The following DNASE1 variants were observed in gnomAD, a reference collection of about 807,000 sequenced individuals.
The protein encoded by DNASE1 is deoxyribonuclease 1.
DNASE1 carries 40 observed loss-of-function variants against 33.9 expected under a neutral mutation model. That is an observed-to-expected ratio of 1.18 (90% CI 0.92 to 1.54). DNASE1 has a LOEUF of 1.54. Among genes scored for constraint, DNASE1 ranks in the 40% most tolerant of loss-of-function variants. The pLI is 0.00. For synonymous variants in DNASE1, 216 were observed against 160.0 expected, an observed-to-expected ratio of 1.35 and a Z score of -2.64; for missense variants, 518 against 372.6, an observed-to-expected ratio of 1.39 and a Z score of -3.21.
chr16:3,643,793 G>A (rs537511338), intron 1 of DNASE1, among the ~76,000 whole-genome samples: 19 of 151,856 alleles, frequency 1.3e-4, no homozygotes, highest in African/African-American at 4.1e-4. Flanking sequence ...ATGGAGTCTC[G>A]CTCTGTGGCC....
exon 10 of DNASE1, chr16:3,665,105 C>G (rs374123976): frequency 6.6e-6 from 1 of 152,366 alleles, no homozygotes; most frequent in Non-Finnish European, 1.5e-5. Context: ...TAAGACATGT[C>G]ACACGTGCAC....
intron 1 of DNASE1, among the ~76,000 whole-genome samples, chr16:3,629,383 G>A (rs2041627928): frequency 6.6e-6 from 1 of 152,100 alleles, no homozygotes; most frequent in Non-Finnish European, 1.5e-5. Context: ...AATGTGGTAT[G>A]TTACATTGAA....
chr16:3,647,373 A>T (rs1247579203), intron 1 of DNASE1, among the ~76,000 whole-genome samples: 1 of 150,522 alleles, frequency 6.6e-6, no homozygotes, highest in Admixed American at 6.7e-5. Context: ...TTCCAGGCTC[A>T]CACAATCCTC....
downstream of DNASE1, chr16:3,662,184 G>A (rs764566003): frequency 1.5e-5 from 23 of 1,575,758 alleles, no homozygotes; most frequent in Middle Eastern, 2.0e-4. Context: ...ATGTGAGAGG[G>A]CTGGCAGGAT....
chr16:3,630,281 A>C (rs1311032157), intron 1 of DNASE1, among the ~76,000 whole-genome samples: 1 of 152,000 alleles, frequency 6.6e-6, no homozygotes, highest in Non-Finnish European at 1.5e-5. Flanking sequence ...CCCAGGCTCA[A>C]AACGATCTTC....
intron 1 of DNASE1, among the ~76,000 whole-genome samples, chr16:3,633,665 C>G (rs1567193943): frequency 6.6e-6 from 1 of 151,360 alleles, no homozygotes; most frequent in Non-Finnish European, 1.5e-5. Context: ...ACAGTTACAA[C>G]TAATCCAATT....
intron 2 of DNASE1, 108 bp from the exon 3 acceptor site, chr16:3,655,741 G>C (rs544765759): frequency 3.4e-6 from 5 of 1,473,912 alleles, no homozygotes; most frequent in Non-Finnish European, 4.7e-6. Context: ...ATGAGGCTGC[G>C]GTTAAACCGA....
intron 1 of DNASE1, among the ~76,000 whole-genome samples, chr16:3,619,446 C>G (rs1475458854): frequency 1.3e-5 from 2 of 152,100 alleles, no homozygotes; most frequent in Admixed American, 1.3e-4. Flanking sequence ...ACTGCAAGCT[C>G]TGCCTCCCAG....
At chr16:3,616,754 A>G (rs867879639) in intron 1 of DNASE1, among the ~76,000 whole-genome samples, 2 of 152,212 alleles carry the variant, frequency 1.3e-5, no homozygotes, top group Non-Finnish European at 2.9e-5. Flanking sequence ...ATTACAAGCT[A>G]TAGTAATCAA....
In DNASE1 at chr16:3,655,301, C is replaced by T. The variant is rs2042527081; in HGVS notation, c.-1-72C>T. ...CCACCAGCCCCTGCCAGCTGGGCTC[C>T]AGAAGGCTGGAGTGCTGTGGCAGGG... On this transcript the variant is annotated intron_variant, in intron 1 of 8. Transcript: ENST00000246949. 1.1e-5 allele frequency: 17 copies of T among 1,602,080 alleles called. No individual in the cohort carries two copies. In the Middle Eastern group the frequency reaches 9.1e-4, roughly 86 times the overall value.
chr16:3,652,273 T>TG (rs1165954922), upstream of DNASE1: 1 of 152,292 alleles, frequency 6.6e-6, no homozygotes, highest in African/African-American at 2.4e-5. Flanking sequence ...GTTGGGCACT[T>TG]GCTCTGTGAG....
At chr16:3,662,647 T>A (rs1292107553), downstream of DNASE1, 3 of 678,648 alleles carry the variant, frequency 4.4e-6, no homozygotes, top group Non-Finnish European at 8.1e-6. Flanking sequence ...GTTTTTCAGT[T>A]CTCAGTTCAC....
rs571840185 is a variant in DNASE1, at chr16:3,616,800, T to TA, written c.-1359+4795dup. 1.3e-3 allele frequency among the ~76,000 whole-genome samples: 205 copies of TA among 152,258 alleles called. 1 individual carries two copies. The highest frequency in any genetic ancestry group is 4.5e-3 in the African/African-American group (185 of 41,544). On this transcript the variant is annotated intron_variant and NMD_transcript_variant, in intron 1 of 11. Coordinates refer to the DNASE1 transcript ENST00000570769. Reference sequence around the variant, plus strand: ...TACTGTACCAGCATAAGGATAGACATATGGGTCAGTGGAAGAGAATTGAGA... The same window carrying TA: ...TACTGTACCAGCATAAGGATAGACATAATGGGTCAGTGGAAGAGAATTGAGA...
chr16:3,658,112 TTCTGGCCCCCTGGCTGTCAGTGTC>T, downstream of DNASE1: 1 of 1,613,408 alleles, frequency 6.2e-7, no homozygotes, highest in East Asian at 2.2e-5. Flanking sequence ...GTGTCAGTCC[TTCTGGCCCCCTGGCTGTCAGTGTC>T]GCTCCAGGGC....
intron 1 of DNASE1, among the ~76,000 whole-genome samples, chr16:3,636,455 C>G (rs1214167784): frequency 1.2e-4 from 19 of 152,190 alleles, no homozygotes; most frequent in Non-Finnish European, 2.8e-4. Context: ...TATATCTCTT[C>G]AAAGTCTGCT....
rs1181685061 is a variant in DNASE1, at chr16:3,643,361, GGA to G, written c.-86+327_-86+328del. 2.0e-5 allele frequency among the ~76,000 whole-genome samples: 3 copies of G among 152,372 alleles called. No homozygotes were observed. In the East Asian group the frequency reaches 5.8e-4, roughly 29 times the overall value. On this transcript the variant is annotated intron_variant, in intron 1 of 9. Coordinates refer to the DNASE1 transcript ENST00000407479. The stretch of plus-strand genomic sequence containing the variant: ...AGAGTGGGATTTTTGGCAGTTTCGT[GGA>G]GTTAGGGAATAGGTTGGGGCCTGTC...
chr16:3,657,421 C>T (rs758513661), intron 7 of DNASE1, 80 bp downstream of exon 7: 101 of 1,562,712 alleles, frequency 6.5e-5, no homozygotes, highest in Non-Finnish European at 8.1e-5. Flanking sequence ...CTTCAGAAGC[C>T]TCAAAGCCTT....
intron 5 of DNASE1, 72 bp from the exon 6 acceptor site, chr16:3,656,927 T>C (rs527654504): frequency 3.6e-5 from 56 of 1,576,914 alleles, no homozygotes; most frequent in Non-Finnish European, 4.4e-5. Flanking sequence ...TCATGATACA[T>C]AGTTCCAGCT....
At chr16:3,655,343 G>C (rs1313367816) in intron 1 of DNASE1, 30 bp from the exon 2 acceptor site, 14 of 1,613,536 alleles carry the variant, frequency 8.7e-6, no homozygotes, top group Non-Finnish European at 1.2e-5. Context: ...TCTCACTTCT[G>C]TTATGTCTCT....
Sources: gnomAD v4.1 joint callset for allele counts (sites outside exome capture counted in the v4.1 genomes callset) on GRCh38, gnomAD v4.1.1 for gene constraint, MANE v1.5 for transcripts, NCBI Gene and HGNC (gene_info 2026-07-23, HGNC 2026-07-21) for gene names.